KHDRBS3: variants seen among roughly 807,000 people sequenced by gnomAD.
The protein encoded by KHDRBS3 is KH RNA binding domain containing, signal transduction associated 3, also known as KH domain-containing, RNA-binding, signal transduction-associated protein 3.
In KHDRBS3, 23 loss-of-function variants were observed where a neutral mutation model predicts 45.6. The ratio of observed to expected loss-of-function variants is 0.50; its 90% confidence interval spans 0.36 to 0.72. KHDRBS3 has a LOEUF of 0.72. Ranked by LOEUF, KHDRBS3 falls within the 30% of genes least tolerant of loss-of-function variation. The probability of loss-of-function intolerance (pLI) is 0.00; values close to 1 mark genes in which losing one functional copy is unlikely to be tolerated. For missense variants in KHDRBS3, 352 were observed against 424.8 expected, an observed-to-expected ratio of 0.83 and a Z score of 1.51; for synonymous variants, 162 against 156.5, an observed-to-expected ratio of 1.04 and a Z score of -0.26.
rs537970059 is a variant in KHDRBS3, at chr8:135,611,065, A to G, written c.890+4028A>G. Among the ~76,000 whole-genome samples the G allele has an allele frequency of 5.9e-5, 9 of 152,074 alleles. 1 individual carries two copies. The South Asian group carries it at 1.4e-3, about 24-fold the overall frequency. On this transcript the variant is annotated intron_variant, in intron 7 of 8. Coordinates refer to ENST00000355849, the MANE Select transcript of KHDRBS3 (RefSeq NM_006558.3). ...GTTATAAATTATAAGCCCTTTAAAT[A>G]TCAGGAAAGATTCACTAAAAGAAGC... is the stretch of plus-strand genomic sequence containing the variant.
At chr8:135,482,692 C>G (rs570016570) in intron 1 of KHDRBS3, among the ~76,000 whole-genome samples, 1 of 152,112 alleles carries the variant, frequency 6.6e-6, no homozygotes, top group African/African-American at 2.4e-5. Flanking sequence ...ATTGTTTGGA[C>G]AAGGGGTCTG....
In KHDRBS3 at chr8:135,582,020, A is replaced by G. The variant is rs144816427; in HGVS notation, c.754A>G (p.Thr252Ala). Residue 252 changes from threonine to alanine, a missense_variant, in exon 6 of 9, where the codon ACT becomes GCT. Coordinates refer to ENST00000355849, the MANE Select transcript of KHDRBS3 (RefSeq NM_006558.3). ...LTPRARGVPP[T>A]GYRPPPPPPT... Reference sequence around the variant, plus strand: ...TCCCAGAGCAAGAGGAGTCCCCCCAACTGGGTACAGACCTCCACCGCCACC... The same window carrying G: ...TCCCAGAGCAAGAGGAGTCCCCCCAGCTGGGTACAGACCTCCACCGCCACC... 2 of 1,611,524 alleles carry G rather than the reference A, an allele frequency of 1.2e-6. No homozygotes were observed. The highest frequency in any genetic ancestry group is 1.3e-5 in the African/African-American group (1 of 74,830).
chr8:135,651,906 A>C (rs1831438720), downstream of KHDRBS3, among the ~76,000 whole-genome samples: 1 of 152,218 alleles, frequency 6.6e-6, no homozygotes, highest in African/African-American at 2.4e-5. Context: ...TAATTTAGAT[A>C]GTCTAGCTCC....
intron 1 of KHDRBS3, among the ~76,000 whole-genome samples, chr8:135,460,296 T>C (rs1354692204): frequency 1.3e-5 from 2 of 152,272 alleles, no homozygotes; most frequent in Non-Finnish European, 2.9e-5. Context: ...TAGCGTGCCA[T>C]GTAATAGATA....
At chr8:135,589,206 T>G in intron 6 of KHDRBS3, among the ~76,000 whole-genome samples, 1 of 152,190 alleles carries the variant, frequency 6.6e-6, no homozygotes, top group Non-Finnish European at 1.5e-5. Context: ...AGTTGCACCT[T>G]TGCTTGTAGT....
At chr8:135,518,151 C>A (rs779923956) in intron 1 of KHDRBS3, among the ~76,000 whole-genome samples, 2 of 152,044 alleles carry the variant, frequency 1.3e-5, no homozygotes, top group Non-Finnish European at 2.9e-5. Context: ...TCAACAATTA[C>A]TAAACTACTT....
rs1292346947 is a variant in KHDRBS3 at position 135,458,545 on chromosome 8, C to T, written c.88+591C>T. On this transcript the variant is annotated intron_variant, in intron 1 of 8. Coordinates refer to ENST00000355849, the MANE Select transcript of KHDRBS3 (RefSeq NM_006558.3). Reference sequence around the variant, plus strand: ...AGTTCCCCCTCCCAGCCCTTTGTCTCTCCTGTGTCCAGGCTCCAACAGCCC... The same window carrying T: ...AGTTCCCCCTCCCAGCCCTTTGTCTTTCCTGTGTCCAGGCTCCAACAGCCC... 1.4e-5 allele frequency: 4 copies of T among 291,820 alleles called. No homozygotes were observed. The Admixed American group carries it at 1.5e-4, about 11-fold the overall frequency. The allele number at this position is 291,820 out of a possible 1,614,324, so 18.1% of individuals were successfully genotyped here.
intron 5 of KHDRBS3, among the ~76,000 whole-genome samples, chr8:135,565,007 G>A (rs944689769): frequency 7.2e-5 from 11 of 152,190 alleles, no homozygotes; most frequent in African/African-American, 2.2e-4. Flanking sequence ...GAAACTTGGT[G>A]TGGGAGACAC....
Position 135,592,336 on chromosome 8 carries a change from G to A in KHDRBS3, c.807+10263G>A, listed in dbSNP as rs551611571. On this transcript the variant is annotated intron_variant, in intron 6 of 8. Transcript: ENST00000355849. Reference sequence around the variant, plus strand: ...GCTCTAAAATGAAAATGTCATTAAGGCATGGAAAGCAAGTTGTGCTGTCAT... The same window carrying A: ...GCTCTAAAATGAAAATGTCATTAAGACATGGAAAGCAAGTTGTGCTGTCAT... Among the ~76,000 whole-genome samples, 25 of 152,128 alleles carry A rather than the reference G, an allele frequency of 1.6e-4. 1 individual carries two copies. The South Asian group carries it at 5.0e-3, about 30-fold the overall frequency.
intron 5 of KHDRBS3, among the ~76,000 whole-genome samples, chr8:135,579,363 C>T (rs988761765): frequency 1.7e-4 from 26 of 152,100 alleles, no homozygotes; most frequent in Non-Finnish European, 3.5e-4. Flanking sequence ...GACAGAGTCT[C>T]GCTCTGTCAC....
intron 3 of KHDRBS3, among the ~76,000 whole-genome samples, chr8:135,546,975 T>C (rs1826337141): frequency 6.6e-6 from 1 of 152,172 alleles, no homozygotes; most frequent in African/African-American, 2.4e-5. Context: ...TAATGAACAA[T>C]TATAATCTTT....
intron 5 of KHDRBS3, among the ~76,000 whole-genome samples, chr8:135,579,770 T>TA (rs1244832874): frequency 6.6e-6 from 1 of 152,266 alleles, no homozygotes; most frequent in Non-Finnish European, 1.5e-5. Context: ...TGTGGTGGGT[T>TA]ACATTGATTT....
chr8:135,553,776 A>T (rs1826734660), intron 4 of KHDRBS3, among the ~76,000 whole-genome samples: 1 of 152,190 alleles, frequency 6.6e-6, no homozygotes, highest in African/African-American at 2.4e-5. Flanking sequence ...TGGGTAGTCA[A>T]GTCCTGCTTA....
chr8:135,579,931 C>T (rs745386836), intron 5 of KHDRBS3, among the ~76,000 whole-genome samples: 1 of 152,168 alleles, frequency 6.6e-6, no homozygotes, highest in Non-Finnish European at 1.5e-5. Flanking sequence ...TAGTTCTTCA[C>T]TTTAGACTGT....
intron 8 of KHDRBS3, 49 bp from the exon 9 acceptor site, chr8:135,646,944 G>A (rs779632226): frequency 1.0e-6 from 1 of 1,002,734 alleles, no homozygotes; most frequent in African/African-American, 1.6e-5. Flanking sequence ...AATGAAGCCT[G>A]TGGGATTCAT....
Position 135,457,837 on chromosome 8 carries a change from T to TCCA in KHDRBS3, c.-28_-26dup, listed in dbSNP as rs1821189590. The TCCA allele has an allele frequency of 6.6e-7, 1 of 1,506,400 alleles. No individual in the cohort carries two copies. Among genetic ancestry groups the TCCA allele is most frequent in the South Asian group, 1.2e-5 (1 of 82,662 alleles). 93.3% of individuals were successfully genotyped at this position (1,506,400 alleles called of 1,614,324 possible). On this transcript the variant is annotated 5_prime_UTR_variant, in exon 1 of 9. Transcript: ENST00000355849. The surrounding 1 kb of genome is among the most constrained non-coding windows in gnomAD (Gnocchi z 4.4). Reference sequence around the variant, plus strand: ...GGCGCCGCCCCCCGTGCGCCTGGAGTCCACATCCCGGGCCCGGCGGCCGGC... The same window carrying TCCA: ...GGCGCCGCCCCCCGTGCGCCTGGAGTCCACCACATCCCGGGCCCGGCGGCCGGC...
intron 7 of KHDRBS3, among the ~76,000 whole-genome samples, chr8:135,608,075 A>G (rs528838041): frequency 6.6e-6 from 1 of 152,280 alleles, no homozygotes; most frequent in South Asian, 2.1e-4. Context: ...AGTGACTGGC[A>G]TGTGGTGAAT....
At chr8:135,580,603 CTCTTTTTT>C (rs1828155130) in intron 5 of KHDRBS3, among the ~76,000 whole-genome samples, 1 of 105,456 alleles carries the variant, frequency 9.5e-6, no homozygotes, top group Non-Finnish European at 1.9e-5. Context: ...CTCTCTCTCT[CTCTTTTTT>C]TTTTTTTTTT....
chr8:135,530,053 C>T (rs1397357381), intron 2 of KHDRBS3, among the ~76,000 whole-genome samples: 2 of 116,430 alleles, frequency 1.7e-5, no homozygotes, highest in African/African-American at 6.1e-5. Context: ...AGTGAGACTC[C>T]CATCTCAAAA....
Sources: allele counts gnomAD v4.1 joint callset (sites outside exome capture counted in the v4.1 genomes callset), GRCh38; gene constraint gnomAD v4.1.1; non-coding constraint Gnocchi (gnomAD v3.1); transcripts MANE v1.5; gene names NCBI Gene and HGNC (gene_info 2026-07-23, HGNC 2026-07-21).